The following LIMCH1 variants were observed in gnomAD, a reference collection of about 807,000 sequenced individuals.
The protein encoded by LIMCH1 is LIM and calponin homology domains-containing protein 1.
In LIMCH1, 113 loss-of-function variants were observed where a neutral mutation model predicts 176.5. The ratio of observed to expected loss-of-function variants is 0.64; its 90% CI spans 0.55 to 0.75. LIMCH1 has a LOEUF of 0.75. Ranked by LOEUF, LIMCH1 falls within the 30% of genes least tolerant of loss-of-function variation. The pLI, the probability that LIMCH1 is intolerant of heterozygous loss-of-function variation, is 0.00. For synonymous variants in LIMCH1, 619 were observed against 645.9 expected, an observed-to-expected ratio of 0.96 and a Z score of 0.63; for missense variants, 1,674 against 1,814.9, an observed-to-expected ratio of 0.92 and a Z score of 1.41.
chr4:41,608,343 A>G (rs2152778894), intron 4 of LIMCH1, among the ~76,000 whole-genome samples: 1 of 152,364 alleles, frequency 6.6e-6, no homozygotes, highest in Admixed American at 6.5e-5. Flanking sequence ...TCATGCATCC[A>G]TATCTAGCTG....
chr4:41,513,245 A>G (rs1212470950), intron 2 of LIMCH1, among the ~76,000 whole-genome samples: 1 of 152,230 alleles, frequency 6.6e-6, no homozygotes, highest in Non-Finnish European at 1.5e-5. Context: ...TAAATACTAC[A>G]TGGCTTTTGC....
intron 31 of LIMCH1, 45 bp from the exon 32 acceptor site, chr4:41,697,115 A>G (rs1731287724): frequency 6.2e-7 from 1 of 1,609,772 alleles, no homozygotes; most frequent in Non-Finnish European, 8.5e-7. Context: ...GAAGCGAGAA[A>G]TGTTGCCTAC....
intron 1 of LIMCH1, among the ~76,000 whole-genome samples, chr4:41,373,614 A>G (rs2154098627): frequency 1.3e-5 from 2 of 152,358 alleles, no homozygotes; most frequent in Middle Eastern, 6.8e-3. Flanking sequence ...TGAGCTAGCT[A>G]CAAACTCTTA....
chr4:41,676,555 G>A (rs2095225432), intron 23 of LIMCH1, 93 bp downstream of exon 23: 1 of 907,464 alleles, frequency 1.1e-6, no homozygotes, highest in Non-Finnish European at 1.8e-6. Context: ...GAAATGAATG[G>A]AATCAAGTTA....
chr4:41,688,357 T>A (rs144511673), intron 29 of LIMCH1, among the ~76,000 whole-genome samples: 3 of 152,346 alleles, frequency 2.0e-5, no homozygotes, highest in African/African-American at 7.2e-5. Context: ...TGATGACTTC[T>A]GGACATTAGC....
At chr4:41,485,139 T>A (rs2069291201) in intron 1 of LIMCH1, among the ~76,000 whole-genome samples, 1 of 152,214 alleles carries the variant, frequency 6.6e-6, no homozygotes, top group South Asian at 2.1e-4. Context: ...CTGTTTTTTT[T>A]AAAGTCCCCC....
At chr4:41,616,954 A>G (rs1195898905) in intron 5 of LIMCH1, among the ~76,000 whole-genome samples, 1 of 152,172 alleles carries the variant, frequency 6.6e-6, no homozygotes, top group Non-Finnish European at 1.5e-5. Flanking sequence ...TTGCATGGCT[A>G]ATATTTCTTG....
At chr4:41,397,676 A>G (rs2057951642) in intron 1 of LIMCH1, among the ~76,000 whole-genome samples, 1 of 152,188 alleles carries the variant, frequency 6.6e-6, no homozygotes, top group Non-Finnish European at 1.5e-5. Flanking sequence ...AAACAAGGTT[A>G]TTAGACTGTG....
chr4:41,473,988 G>A (rs1210529724), intron 1 of LIMCH1, among the ~76,000 whole-genome samples: 2 of 151,220 alleles, frequency 1.3e-5, no homozygotes, highest in Non-Finnish European at 2.9e-5. Flanking sequence ...GACCAGCCTG[G>A]CCAACATGGA....
Position 41,435,843 on chromosome 4 carries a change from C to T in LIMCH1, c.97-58693C>T, listed in dbSNP as rs185366702. 6.2e-3 allele frequency among the ~76,000 whole-genome samples: 939 copies of T among 152,238 alleles called. 9 individuals are homozygous for T. The highest frequency in any genetic ancestry group is 0.022 in the African/African-American group (909 of 41,538). On this transcript the variant is annotated intron_variant, in intron 1 of 26. Transcript: ENST00000313860. ...GAAGTTTATATACAGAGTAAGCTTT[C>T]GGTATCTCAAAAATCTTATTTCTGA...
chr4:41,563,366 G>A (rs2082306427), intron 1 of LIMCH1, among the ~76,000 whole-genome samples: 1 of 152,124 alleles, frequency 6.6e-6, no homozygotes, highest in African/African-American at 2.4e-5. Flanking sequence ...CCATACTCTA[G>A]GTATGTTATT....
chr4:41,398,608 A>G (rs900338579), intron 1 of LIMCH1, among the ~76,000 whole-genome samples: 3 of 152,112 alleles, frequency 2.0e-5, no homozygotes, highest in African/African-American at 7.2e-5. Flanking sequence ...TTTGCATCTG[A>G]ACTGAAATCT....
Position 41,684,975 on chromosome 4 carries a change from C to T in LIMCH1, c.3967+457C>T, listed in dbSNP as rs1296294637. Among the ~76,000 whole-genome samples, 3 of 152,244 alleles carry T rather than the reference C, an allele frequency of 2.0e-5. No homozygotes were observed. In the East Asian group the frequency reaches 5.8e-4, roughly 29 times the overall value. The stretch of plus-strand genomic sequence containing the variant: ...TGTGTCTCCCACGCTCCTGGCTCAC[C>T]ATAGCAAAATTCAAATGTATTCCTC... On this transcript the variant is annotated intron_variant, in intron 27 of 31. Transcript: ENST00000503057.
intron 1 of LIMCH1, among the ~76,000 whole-genome samples, chr4:41,417,111 C>G (rs1366353443): frequency 2.1e-5 from 2 of 94,378 alleles, no homozygotes; most frequent in Admixed American, 1.1e-4. Context: ...GAGGGGTTAT[C>G]TATGCTATAG....
At chr4:41,449,897 G>A (rs572198591) in intron 1 of LIMCH1, among the ~76,000 whole-genome samples, 1 of 152,326 alleles carries the variant, frequency 6.6e-6, no homozygotes, top group East Asian at 1.9e-4. Context: ...GGAAGGATCT[G>A]TGCCAGGCTT....
chr4:41,525,406 TAA>T (rs1454605019), intron 3 of LIMCH1, among the ~76,000 whole-genome samples: 4 of 152,222 alleles, frequency 2.6e-5, no homozygotes, highest in Non-Finnish European at 4.4e-5. Context: ...TGATTGTTGT[TAA>T]AAAGCTTCTT....
At chr4:41,467,158 T>TATACACAC (rs1157542568) in intron 1 of LIMCH1, among the ~76,000 whole-genome samples, 38 of 143,550 alleles carry the variant, frequency 2.6e-4, no homozygotes, top group African/African-American at 9.2e-4. Flanking sequence ...TATGTATATA[T>TATACACAC]ACACACACAC....
At chr4:41,515,170 T>TA (rs2075419586) in intron 2 of LIMCH1, among the ~76,000 whole-genome samples, 1 of 152,206 alleles carries the variant, frequency 6.6e-6, no homozygotes, top group African/African-American at 2.4e-5. Context: ...TGAAAAGAGT[T>TA]AAAGCCCAAT....
chr4:41,619,897 A>C (rs115116243), intron 6 of LIMCH1: 2,247 of 191,966 alleles, frequency 0.012, 63 homozygotes, highest in African/African-American at 0.049. Flanking sequence ...AACATATAGA[A>C]ATAGTCATAA....
Sources: allele counts gnomAD v4.1 joint callset (sites outside exome capture counted in the v4.1 genomes callset), GRCh38; gene constraint gnomAD v4.1.1; transcripts MANE v1.5; gene names NCBI Gene and HGNC (gene_info 2026-07-23, HGNC 2026-07-21).